BAG1: variants seen among roughly 807,000 people sequenced by gnomAD.
BAG1 encodes the protein BAG family molecular chaperone regulator 1.
A neutral mutation model predicts 35.5 loss-of-function variants in BAG1; 35 were observed. That is an observed-to-expected ratio of 0.99 (90% CI 0.75 to 1.31). The LOEUF is 1.31. BAG1 is among the 50% of genes most tolerant of loss of function. BAG1 has a pLI of 0.00. For missense variants in BAG1, 464 were observed against 453.6 expected (o/e 1.02, Z -0.21); for synonymous variants, 191 against 178.9 (o/e 1.07, Z -0.54).
chr9:33,256,966 G>A (rs1370779483), intron 4 of BAG1, 58 bp from the exon 5 acceptor site: 2 of 1,279,224 alleles, frequency 1.6e-6, no homozygotes, highest in African/African-American at 2.9e-5. Context: ...AAGACTCCAT[G>A]CCACAATACT....
chr9:33,256,004 G>C, intron 5 of BAG1, 77 bp from the exon 6 acceptor site: 3 of 1,378,962 alleles, frequency 2.2e-6, no homozygotes, highest in Non-Finnish European at 3.1e-6. Flanking sequence ...AAAATGACAT[G>C]AGAGCACATA....
intron 3 of BAG1, among the ~76,000 whole-genome samples, chr9:33,260,823 T>A (rs1820552716): frequency 6.6e-6 from 1 of 152,182 alleles, no homozygotes; most frequent in South Asian, 2.1e-4. Flanking sequence ...CAGACCAAGA[T>A]TCCACCACCA....
At chr9:33,263,647 C>A (rs1281667554) in intron 1 of BAG1, among the ~76,000 whole-genome samples, 1 of 152,160 alleles carries the variant, frequency 6.6e-6, no homozygotes, top group Admixed American at 6.5e-5. Context: ...ATCCAGGTCT[C>A]CAGATTCCCA....
chr9:33,256,047 G>C, intron 5 of BAG1, 120 bp from the exon 6 acceptor site: 1 of 871,440 alleles, frequency 1.1e-6, no homozygotes, highest in Non-Finnish European at 1.9e-6. Context: ...ACAGGTCACA[G>C]GTCACCAATG....
At chr9:33,255,788 C>A in intron 6 of BAG1, 77 bp downstream of exon 6, 1 of 1,501,482 alleles carries the variant, frequency 6.7e-7, no homozygotes, top group Non-Finnish European at 9.3e-7. Flanking sequence ...TCCTACACTA[C>A]CTGATTTTGA....
In BAG1 at chr9:33,264,660, C is replaced by CAAG. The variant is rs1564083654; in HGVS notation, c.14_15insCTT (p.Gly5_Gly6insLeu). On this transcript the variant is annotated inframe_insertion, in exon 1 of 7. Transcript: ENST00000634734. ...GGTCGCCTCGCGGTCTCCGCGCCCC[C>CAAG]CCGCGCTGAGCCAGGCCCGCACTTG... 2.2e-6 allele frequency: 3 copies of CAAG among 1,347,604 alleles called. No homozygotes were observed. The highest frequency in any genetic ancestry group is 2.8e-6 in the Non-Finnish European group (3 of 1,058,370). The allele number at this position is 1,347,604 out of a possible 1,614,324, so 83.5% of individuals were successfully genotyped here.
intron 6 of BAG1, 25 bp from the exon 7 acceptor site, chr9:33,255,333 A>G: frequency 3.1e-6 from 5 of 1,614,056 alleles, no homozygotes; most frequent in Non-Finnish European, 4.2e-6. Context: ...CGGGGCAGTA[A>G]GGGCCCATCC....
chr9:33,262,022 GATTATTTA>G lies in BAG1; in HGVS notation c.580+672_580+679del. On this transcript the variant is annotated intron_variant, in intron 2 of 6. Coordinates refer to ENST00000634734, the MANE Select transcript of BAG1 (RefSeq NM_004323.6). ...TCAGATGTTAAGCAACTAAGAAAAT[GATTATTTA>G]ATAGTAATTTCATAGAAGTGATGCA... The G allele has an allele frequency of 9.2e-6, 11 of 1,197,824 alleles. No homozygotes were observed. The South Asian group carries it at 1.6e-4, about 18-fold the overall frequency. The allele number at this position is 1,197,824 out of a possible 1,614,324, so 74.2% of individuals were successfully genotyped here. A position where few individuals can be genotyped will look rare whatever the true frequency, so the allele number is the denominator to read the frequency against.
At position 33,253,691 on chromosome 9, in the gene BAG1, G is replaced by A. The variant is rs985086316; in HGVS notation, c.*1528C>T. Reference sequence around the variant, plus strand: ...GTGAGTCTTTAGGTAGAGTTATAGCGCAAAGGGCTACTATCAATGTTATTA... The same window carrying A: ...GTGAGTCTTTAGGTAGAGTTATAGCACAAAGGGCTACTATCAATGTTATTA... On this transcript the variant is annotated 3_prime_UTR_variant, in exon 7 of 7. Transcript: ENST00000634734. The A allele has an allele frequency of 2.0e-5, 3 of 146,514 alleles. No individual in the cohort carries two copies. Among genetic ancestry groups the A allele is most frequent in the Admixed American group, 6.9e-5 (1 of 14,536 alleles). 9.1% of individuals were successfully genotyped at this position (146,514 alleles called of 1,614,324 possible).
intron 3 of BAG1, 104 bp from the exon 4 acceptor site, chr9:33,259,137 G>A (rs1211164163): frequency 1.2e-6 from 1 of 813,482 alleles, no homozygotes; most frequent in Non-Finnish European, 2.0e-6. Context: ...GAGATGGGCA[G>A]ATCATTTGAG....
intron 2 of BAG1, 63 bp from the exon 3 acceptor site, chr9:33,261,232 G>A (rs1820563944): frequency 7.8e-7 from 1 of 1,276,480 alleles, no homozygotes; most frequent in African/African-American, 1.5e-5. Context: ...ATAAATTTCA[G>A]CAGGATACAG....
rs1211370020 is a variant in BAG1, at chr9:33,253,571, T to C, written c.*1648A>G. 1 of 152,160 alleles carries C rather than the reference T, an allele frequency of 6.6e-6. No homozygotes were observed. Among genetic ancestry groups the C allele is most frequent in the Non-Finnish European group, 1.5e-5 (1 of 68,014 alleles). 9.4% of individuals were successfully genotyped at this position (152,160 alleles called of 1,614,324 possible). A position where few individuals can be genotyped will look rare whatever the true frequency, so the allele number is the denominator to read the frequency against. ...GTGCGGTGGGCTGGGACCCGAGCCT[T>C]GTCCACAAGTCTACCTCTACTACCT... On this transcript the variant is annotated 3_prime_UTR_variant, in exon 7 of 7. Coordinates refer to ENST00000634734, the MANE Select transcript of BAG1 (RefSeq NM_004323.6).
At position 33,255,388 on chromosome 9, in the gene BAG1, T is replaced by C. The variant is rs1820432026; in HGVS notation, c.949-80A>G. ...CCACACAAGGCTCCTTGCTTACCCA[T>C]TCTGGGGAACCCATGGCTGAGACTC... On this transcript the variant is annotated intron_variant, in intron 6 of 6. Coordinates refer to ENST00000634734, the MANE Select transcript of BAG1 (RefSeq NM_004323.6). 2.5e-6 allele frequency: 4 copies of C among 1,601,174 alleles called. No homozygotes were observed. In the Admixed American group the frequency reaches 6.7e-5, roughly 27 times the overall value.
chr9:33,262,606 T>C (rs1260559275), intron 2 of BAG1, 96 bp downstream of exon 2: 1 of 1,287,904 alleles, frequency 7.8e-7, no homozygotes, highest in East Asian at 2.6e-5. Context: ...GCAGTGAGCC[T>C]AGATCGTGCC....
At chr9:33,255,971 CAT>C (rs745906291) in intron 5 of BAG1, 44 bp from the exon 6 acceptor site, 2 of 1,531,210 alleles carry the variant, frequency 1.3e-6, no homozygotes, top group South Asian at 2.2e-5. Context: ...AAATAGTAAA[CAT>C]GTAACAAATA....
In BAG1 at chr9:33,264,252, TGCC is replaced by T. The variant is rs780203818; in HGVS notation, c.420_422del (p.Ala142del). ...GGGTGACAGTCACGGTGAGCCCAGC[TGCC>T]GCCATTTCCTCCCTGGTCACCTCCT... On this transcript the variant is annotated inframe_deletion, in exon 1 of 7. Coordinates refer to ENST00000634734, the MANE Select transcript of BAG1 (RefSeq NM_004323.6). The T allele has an allele frequency of 4.3e-6, 7 of 1,612,150 alleles. No homozygotes were observed. The highest frequency in any genetic ancestry group is 5.9e-6 in the Non-Finnish European group (7 of 1,179,462).
chr9:33,261,878 C>G, intron 2 of BAG1: 1 of 985,248 alleles, frequency 1.0e-6, no homozygotes, highest in Non-Finnish European at 1.2e-6. Context: ...CCACTGAGCC[C>G]GCCACATCCA....
chr9:33,264,125 G>C (rs572866209), intron 1 of BAG1, 99 bp downstream of exon 1: 284 of 1,399,534 alleles, frequency 2.0e-4, no homozygotes, highest in Admixed American at 9.4e-5. Flanking sequence ...GCCAGGACAA[G>C]CGCAAGGTCA....
Position 33,264,707 on chromosome 9 carries a change from C to G in BAG1, c.-33G>C. On this transcript the variant is annotated 5_prime_UTR_variant, in exon 1 of 7. Transcript: ENST00000634734. Reference sequence around the variant, plus strand: ...CTTGTTGACCGCCCAGCGATGGAAGCTGAGCGCGGCGTCTCACAACCCCGC... The same window carrying G: ...CTTGTTGACCGCCCAGCGATGGAAGGTGAGCGCGGCGTCTCACAACCCCGC... The G allele has an allele frequency of 7.3e-7, 1 of 1,364,402 alleles. No individual in the cohort carries two copies. The highest frequency in any genetic ancestry group is 1.8e-5 in the South Asian group (1 of 55,038). 84.5% of individuals were successfully genotyped at this position (1,364,402 alleles called of 1,614,324 possible). A position where few individuals can be genotyped will look rare whatever the true frequency, so the allele number is the denominator to read the frequency against.
Sources: allele counts gnomAD v4.1 joint callset (sites outside exome capture counted in the v4.1 genomes callset), GRCh38; gene constraint gnomAD v4.1.1; transcripts MANE v1.5; gene names NCBI Gene and HGNC (gene_info 2026-07-23, HGNC 2026-07-21).